Variants in RNFT2 observed in about 807,000 individuals in gnomAD.
The protein encoded by RNFT2 is ring finger protein, transmembrane 2.
In RNFT2, 36 loss-of-function variants were observed where a neutral mutation model predicts 53.0. The observed-to-expected ratio is 0.68, with a 90% CI of 0.52 to 0.90. The LOEUF (loss-of-function observed/expected upper bound fraction) is 0.90. Among genes scored for constraint, RNFT2 ranks in the 40% least tolerant of loss-of-function variants. The probability of loss-of-function intolerance (pLI) is 0.00; values close to 1 mark genes in which losing one functional copy is unlikely to be tolerated. For synonymous variants in RNFT2, 260 were observed against 253.2 expected (o/e 1.03, Z -0.26); for missense variants, 514 against 585.6 (o/e 0.88, Z 1.26).
At chr12:116,833,509 C>G (rs1247140700) in intron 7 of RNFT2, among the ~76,000 whole-genome samples, 1 of 152,236 alleles carries the variant, frequency 6.6e-6, no homozygotes, top group Non-Finnish European at 1.5e-5. Flanking sequence ...CTCCAGCCCT[C>G]TGCCCAAAGG....
intron 7 of RNFT2, among the ~76,000 whole-genome samples, chr12:116,807,957 C>G (rs934808039): frequency 6.6e-6 from 1 of 152,092 alleles, no homozygotes; most frequent in African/African-American, 2.4e-5. Context: ...GTGTGCACCA[C>G]ACTCAGCTAA....
chr12:116,789,797 G>A (rs1874139534), intron 7 of RNFT2, among the ~76,000 whole-genome samples: 1 of 147,898 alleles, frequency 6.8e-6, no homozygotes, highest in Non-Finnish European at 1.5e-5. Context: ...GAAGGAGAGT[G>A]GATGGGTAAA....
At chr12:116,805,358 T>A (rs1030280891) in intron 7 of RNFT2, among the ~76,000 whole-genome samples, 4 of 152,126 alleles carry the variant, frequency 2.6e-5, no homozygotes, top group African/African-American at 9.7e-5. Context: ...TATATGTACA[T>A]AGATTTATTT....
At chr12:116,743,243 A>AAAAAT (rs1871723213) in intron 3 of RNFT2, among the ~76,000 whole-genome samples, 1 of 80,108 alleles carries the variant, frequency 1.2e-5, no homozygotes, top group Non-Finnish European at 2.3e-5. Flanking sequence ...AAAAAAAAAA[A>AAAAAT]ACCGGTTAAA....
chr12:116,809,128 C>T (rs923458119), intron 7 of RNFT2, among the ~76,000 whole-genome samples: 6 of 152,210 alleles, frequency 3.9e-5, no homozygotes, highest in East Asian at 1.9e-4. Flanking sequence ...TGGAGCCATC[C>T]AGTGCCCTCC....
intron 7 of RNFT2, among the ~76,000 whole-genome samples, chr12:116,799,748 C>T (rs1025242878): frequency 1.2e-4 from 18 of 152,018 alleles, no homozygotes; most frequent in African/African-American, 4.3e-4. Context: ...CCTGAGGTCA[C>T]CTCGTGTCTA....
rs778665392 is a variant in RNFT2 at position 116,833,835 on chromosome 12, G to A, written c.926G>A (p.Arg309Gln). 10 of 1,613,072 alleles carry A rather than the reference G, an allele frequency of 6.2e-6. No individual in the cohort carries two copies. Among genetic ancestry groups the A allele is most frequent in the Admixed American group, 1.7e-5 (1 of 59,900 alleles). The change falls in exon 8 of 11, where the codon CGA becomes CAA. Residue 309 changes from arginine to glutamine, a missense_variant. Arg to Gln is a conservative substitution (Grantham distance 43, BLOSUM62 1). Around this residue, in one of 3 missense-constraint regions of RNFT2, gnomAD observed 273 missense variants for 334.4 expected, o/e 0.82. Transcript: ENST00000257575. ...LVIEELSQLF[R>Q]SLVPIQLWYK... is the part of the protein sequence containing the mutation. The stretch of plus-strand genomic sequence containing the variant: ...ATCGAGGAGCTGAGCCAGCTGTTCC[G>A]ATCCCTTGTCCCCATCCAGCTGTGG...
At chr12:116,778,079 T>C (rs1184251162) in intron 6 of RNFT2, among the ~76,000 whole-genome samples, 3 of 152,086 alleles carry the variant, frequency 2.0e-5, no homozygotes, top group African/African-American at 7.2e-5. Flanking sequence ...CCTTCCTAAT[T>C]TCCTTCCTCC....
At chr12:116,743,481 T>C (rs1223420239) in intron 3 of RNFT2, among the ~76,000 whole-genome samples, 1 of 152,106 alleles carries the variant, frequency 6.6e-6, no homozygotes, top group East Asian at 1.9e-4. Context: ...TTGGCTAGGC[T>C]GGTCTCGAAC....
chr12:116,849,401 C>T lies in RNFT2; in HGVS notation c.1288C>T (p.Arg430Cys), dbSNP rs1049184080. Residue 430 changes from arginine (R) to cysteine (C), a missense_variant, in exon 11 of 11, where the codon CGC becomes TGC. Physicochemically the swap from Arg to Cys is radical, Grantham distance 180 (BLOSUM62 -3). Coordinates refer to ENST00000257575, the MANE Select transcript of RNFT2 (RefSeq NM_001382266.1). ...LCRSVAVDTL[R>C]CWKDGATSAH... ...CCGCTCGGTCGCCGTGGACACCCTG[C>T]GCTGCTGGAAGGACGGCGCCACGTC... The T allele has an allele frequency of 3.6e-5, 56 of 1,577,336 alleles. No individual in the cohort carries two copies. Among genetic ancestry groups the T allele is most frequent in the Middle Eastern group, 1.7e-4 (1 of 6,056 alleles).
chr12:116,769,061 T>C (rs1873053035), intron 6 of RNFT2, among the ~76,000 whole-genome samples: 1 of 152,028 alleles, frequency 6.6e-6, no homozygotes, highest in Non-Finnish European at 1.5e-5. Context: ...TTTTTCTACT[T>C]GTAAAAAATA....
At chr12:116,817,260 G>T (rs1016418942) in intron 7 of RNFT2, among the ~76,000 whole-genome samples, 2 of 152,094 alleles carry the variant, frequency 1.3e-5, no homozygotes, top group Admixed American at 6.6e-5. Flanking sequence ...TGATTTGCCC[G>T]CCTCAGCCTC....
intron 7 of RNFT2, among the ~76,000 whole-genome samples, chr12:116,807,914 C>T (rs547565101): frequency 6.6e-6 from 1 of 152,302 alleles, no homozygotes; most frequent in East Asian, 1.9e-4. Context: ...AACGATCCTC[C>T]CACCTCAGCC....
intron 5 of RNFT2, among the ~76,000 whole-genome samples, chr12:116,760,646 T>C (rs909976382): frequency 1.4e-4 from 22 of 152,268 alleles, no homozygotes; most frequent in African/African-American, 5.3e-4. Context: ...GAGGAGGGTC[T>C]CCCTTTCCCA....
At chr12:116,748,194 GAA>G (rs1005391042) in intron 3 of RNFT2, among the ~76,000 whole-genome samples, 1 of 150,006 alleles carries the variant, frequency 6.7e-6, no homozygotes, top group Non-Finnish European at 1.5e-5. Flanking sequence ...TGTCTCAAAA[GAA>G]AAAAAAAGAA....
intron 7 of RNFT2, among the ~76,000 whole-genome samples, chr12:116,811,891 C>A (rs1875399294): frequency 6.6e-6 from 1 of 152,170 alleles, no homozygotes; most frequent in South Asian, 2.1e-4. Flanking sequence ...TTACTAGTTA[C>A]CAATAGGCAC....
chr12:116,750,891 A>ATTAC (rs550080863), intron 4 of RNFT2, among the ~76,000 whole-genome samples: 1 of 2,106 alleles, frequency 4.7e-4, no homozygotes, highest in African/African-American at 1.9e-3. Flanking sequence ...TTATATATAT[A>ATTAC]ATATATATAT....
intron 7 of RNFT2, among the ~76,000 whole-genome samples, chr12:116,812,670 G>A (rs575437590): frequency 4.9e-4 from 74 of 152,018 alleles, no homozygotes; most frequent in Middle Eastern, 3.4e-3. Context: ...GAGTAGCTGC[G>A]ATTACAGCAT....
chr12:116,798,618 G>C (rs895683750), intron 7 of RNFT2, among the ~76,000 whole-genome samples: 1 of 152,048 alleles, frequency 6.6e-6, no homozygotes, highest in Non-Finnish European at 1.5e-5. Flanking sequence ...ACCCAGGTTG[G>C]AGTGCAGTGG....
Sources: allele counts gnomAD v4.1 joint callset (sites outside exome capture counted in the v4.1 genomes callset), GRCh38; gene constraint gnomAD v4.1.1; regional missense constraint gnomAD v4.1.1; transcripts MANE v1.5; gene names NCBI Gene and HGNC (gene_info 2026-07-23, HGNC 2026-07-21).